The following DNAH6 variants were observed in gnomAD, a reference collection of about 807,000 sequenced individuals.
DNAH6 encodes dynein axonemal heavy chain 6, also known as axonemal beta dynein heavy chain 6.
A neutral mutation model predicts 491.4 loss-of-function variants in DNAH6; 340 were observed. The ratio of observed to expected loss-of-function variants is 0.69; its 90% CI spans 0.63 to 0.76. The LOEUF is 0.76. Ranked by LOEUF, DNAH6 falls within the 30% of genes least tolerant of loss-of-function variation. The probability of loss-of-function intolerance (pLI) is 0.00; values close to 1 mark genes in which losing one functional copy is unlikely to be tolerated. For synonymous variants in DNAH6, 1,603 were observed against 1,686.1 expected, an observed-to-expected ratio of 0.95 and a Z score of 1.21; for missense variants, 4,443 against 4,972.2, an observed-to-expected ratio of 0.89 and a Z score of 3.20.
intron 43 of DNAH6, among the ~76,000 whole-genome samples, chr2:84,686,219 G>T (rs571934915): frequency 8.7e-5 from 13 of 149,622 alleles, no homozygotes; most frequent in East Asian, 3.9e-4. Context: ...TAATTTTAAA[G>T]TACTTCTTAT....
chr2:84,780,139 C>T (rs1676542407), intron 64 of DNAH6, among the ~76,000 whole-genome samples: 1 of 152,022 alleles, frequency 6.6e-6, no homozygotes, highest in Admixed American at 6.6e-5. Flanking sequence ...TATATAGTAT[C>T]TCCCAGGGTT....
chr2:84,793,314 T>C (rs1677966777), intron 68 of DNAH6, among the ~76,000 whole-genome samples: 2 of 152,162 alleles, frequency 1.3e-5, no homozygotes, highest in African/African-American at 4.8e-5. Flanking sequence ...TCATCTACCC[T>C]GAGTCAAAAT....
intron 37 of DNAH6, among the ~76,000 whole-genome samples, chr2:84,667,838 C>G (rs889334295): frequency 6.6e-6 from 1 of 152,152 alleles, no homozygotes; most frequent in Admixed American, 6.5e-5. Flanking sequence ...TGGAACCAAC[C>G]CAAATGTCCA....
chr2:84,777,913 AGGC>A, intron 64 of DNAH6: 1 of 1,143,090 alleles, frequency 8.7e-7, no homozygotes, highest in Non-Finnish European at 1.3e-6. Context: ...TGTTCACGTT[AGGC>A]TGGACCAAAT....
At chr2:84,772,327 A>C (rs1675707354) in intron 64 of DNAH6, among the ~76,000 whole-genome samples, 1 of 152,134 alleles carries the variant, frequency 6.6e-6, no homozygotes, top group Non-Finnish European at 1.5e-5. Context: ...AAAATCAGAG[A>C]AGTAAATTCT....
intron 65 of DNAH6, among the ~76,000 whole-genome samples, chr2:84,782,860 A>G (rs114278216): frequency 0.024 from 3,682 of 152,334 alleles, 75 homozygotes; most frequent in South Asian, 0.06. Context: ...GTGGTACTAC[A>G]TGAGGCTCCA....
intron 23 of DNAH6, among the ~76,000 whole-genome samples, chr2:84,618,755 A>T (rs528781537): frequency 6.6e-6 from 1 of 152,312 alleles, no homozygotes; most frequent in East Asian, 1.9e-4. Context: ...TAATACAAGA[A>T]CTATATTACA....
intron 64 of DNAH6, among the ~76,000 whole-genome samples, chr2:84,774,942 G>C (rs1432710604): frequency 6.6e-6 from 1 of 151,716 alleles, no homozygotes; most frequent in Non-Finnish European, 1.5e-5. Context: ...AAAATCAAAT[G>C]GTTGGAGAAG....
At chr2:84,708,306 G>T (rs965192882) in intron 54 of DNAH6, among the ~76,000 whole-genome samples, 3 of 151,708 alleles carry the variant, frequency 2.0e-5, no homozygotes, top group African/African-American at 7.3e-5. Flanking sequence ...TTAGCTGGGC[G>T]TAGGGGCAGG....
chr2:84,627,014 C>A (rs79087687), intron 29 of DNAH6, among the ~76,000 whole-genome samples: 5,240 of 152,276 alleles, frequency 0.034, 138 homozygotes, highest in Non-Finnish European at 0.053. Flanking sequence ...TTATGCATTT[C>A]TGACATCCGC....
chr2:84,816,676 T>C (rs569496292), intron 76 of DNAH6, among the ~76,000 whole-genome samples: 2 of 152,280 alleles, frequency 1.3e-5, no homozygotes, highest in East Asian at 1.9e-4. Context: ...TGAGCCAACA[T>C]TGGGCCACTG....
intron 64 of DNAH6, among the ~76,000 whole-genome samples, chr2:84,763,460 T>C (rs1237769227): frequency 6.6e-6 from 1 of 152,100 alleles, no homozygotes; most frequent in African/African-American, 2.4e-5. Context: ...TCAGTCTTCC[T>C]GACTCCTTTT....
In DNAH6 at chr2:84,694,392, A is replaced by G. The variant is rs1695179407; in HGVS notation, c.7436A>G (p.Tyr2479Cys). 1.9e-6 allele frequency: 3 copies of G among 1,552,372 alleles called. No individual in the cohort carries two copies. The highest frequency in any genetic ancestry group is 2.6e-6 in the Non-Finnish European group (3 of 1,147,142). Residue 2479 changes from tyrosine (Y) to cysteine (C), a missense_variant, in exon 46 of 77, where the codon TAT becomes TGT. Coordinates refer to ENST00000389394, the MANE Select transcript of DNAH6 (RefSeq NM_001370.2). Reference protein sequence around the residue: ...LQIELSRGYNYDSFHEDLRKL... With the variant: ...LQIELSRGYNCDSFHEDLRKL... Reference sequence around the variant, plus strand: ...ATTGAACTCAGCCGGGGATATAATTATGATAGTTTTCATGAAGACCTGAGG... The same window carrying G: ...ATTGAACTCAGCCGGGGATATAATTGTGATAGTTTTCATGAAGACCTGAGG...
chr2:84,576,076 T>C (rs1270859526), intron 12 of DNAH6, among the ~76,000 whole-genome samples: 2 of 152,132 alleles, frequency 1.3e-5, no homozygotes, highest in East Asian at 3.8e-4. Context: ...CATGATACCA[T>C]GAAAAAAGAT....
At chr2:84,588,790 A>G in intron 15 of DNAH6, 36 bp from the exon 16 acceptor site, 1 of 1,482,246 alleles carries the variant, frequency 6.7e-7, no homozygotes, top group Non-Finnish European at 9.0e-7. Context: ...ATCAAAAAGC[A>G]GGAATGGCTA....
intron 12 of DNAH6, 120 bp downstream of exon 12, chr2:84,573,707 A>C (rs1206667064): frequency 1.3e-6 from 1 of 768,356 alleles, no homozygotes. Flanking sequence ...AGTTGGCCTG[A>C]CATAAGGCAA....
intron 40 of DNAH6, among the ~76,000 whole-genome samples, chr2:84,673,742 G>A (rs767722452): frequency 2.6e-5 from 4 of 152,160 alleles, no homozygotes; most frequent in African/African-American, 7.2e-5. Flanking sequence ...TGGAAGGCTA[G>A]GCCACTCTCT....
At chr2:84,697,016 A>G (rs1450122834) in intron 46 of DNAH6, among the ~76,000 whole-genome samples, 2 of 152,228 alleles carry the variant, frequency 1.3e-5, no homozygotes, top group African/African-American at 2.4e-5. Flanking sequence ...AATGTTAAAA[A>G]TTGATGAAGT....
intron 18 of DNAH6, among the ~76,000 whole-genome samples, chr2:84,601,011 A>ATAGTATAATAATAACGTTAT (rs1558778624): frequency 1.4e-5 from 2 of 147,512 alleles, no homozygotes; most frequent in African/African-American, 4.9e-5. Flanking sequence ...TACTATAATA[A>ATAGTATAATAATAACGTTAT]TATTATAATA....
Sources: gnomAD v4.1 joint callset for allele counts (sites outside exome capture counted in the v4.1 genomes callset) on GRCh38, gnomAD v4.1.1 for gene constraint, MANE v1.5 for transcripts, NCBI Gene and HGNC (gene_info 2026-07-23, HGNC 2026-07-21) for gene names.